BLTP1: variants seen among roughly 807,000 people sequenced by gnomAD.
The protein encoded by BLTP1 is fragile site-associated protein.
the BLTP1 span, chr4:122,269,393 G>C: frequency 1.0e-6 from 1 of 985,092 alleles, no homozygotes; most frequent in African/African-American, 1.7e-5. Context: ...TTTTGAGTGA[G>C]AGCTTCTTTG....
chr4:122,326,941 A>G, the BLTP1 span, among the ~76,000 whole-genome samples: 2 of 151,866 alleles, frequency 1.3e-5, no homozygotes, highest in African/African-American at 4.8e-5. Context: ...GAAATTTTCA[A>G]TGTAGGACTT....
the BLTP1 span, chr4:122,356,648 G>A: frequency 6.2e-7 from 1 of 1,613,632 alleles, no homozygotes; most frequent in East Asian, 2.2e-5. Flanking sequence ...AAAGTAGAAT[G>A]TAGTGTGGTG....
the BLTP1 span, among the ~76,000 whole-genome samples, chr4:122,309,865 T>G: frequency 2.6e-5 from 4 of 152,216 alleles, no homozygotes; most frequent in East Asian, 7.7e-4. Flanking sequence ...TTAATTAATA[T>G]TGACGTGAAT....
the BLTP1 span, among the ~76,000 whole-genome samples, chr4:122,202,270 A>G: frequency 5.1e-4 from 77 of 152,218 alleles, no homozygotes; most frequent in African/African-American, 1.8e-3. Context: ...AGAGCATTGA[A>G]TAAACACTTC....
the BLTP1 span, chr4:122,238,129 C>G: frequency 1.2e-6 from 2 of 1,613,564 alleles, no homozygotes; most frequent in Non-Finnish European, 1.7e-6. Flanking sequence ...AATGGGAAAA[C>G]AAATCAGTGG....
chr4:122,225,562 C>A, the BLTP1 span: 1 of 151,820 alleles, frequency 6.6e-6, no homozygotes, highest in Non-Finnish European at 1.5e-5. Flanking sequence ...AACCTAGATG[C>A]CCTTTATACC....
the BLTP1 span, among the ~76,000 whole-genome samples, chr4:122,260,839 G>C: frequency 6.6e-6 from 1 of 151,974 alleles, no homozygotes; most frequent in Non-Finnish European, 1.5e-5. Context: ...ATCATTAGAG[G>C]ACTAATAAAC....
the BLTP1 span, chr4:122,231,770 T>C: frequency 1.0e-6 from 1 of 974,338 alleles, no homozygotes; most frequent in Non-Finnish European, 1.2e-6. Context: ...AATCGACATA[T>C]TCATTTCTCT....
the BLTP1 span, chr4:122,270,448 T>C: frequency 1.7e-6 from 1 of 592,040 alleles, no homozygotes; most frequent in Admixed American, 6.3e-5. Context: ...TTTACTATAA[T>C]AGTCTTACAT....
At chr4:122,220,281 C>CTT in the BLTP1 span, 1 of 1,582,192 alleles carries the variant, frequency 6.3e-7, no homozygotes, top group Non-Finnish European at 8.6e-7. Context: ...CCTATACTTC[C>CTT]TTACTTTTTG....
At chr4:122,350,619 A>G in the BLTP1 span, among the ~76,000 whole-genome samples, 1 of 152,206 alleles carries the variant, frequency 6.6e-6, no homozygotes, top group African/African-American at 2.4e-5. Context: ...GTGCTAAGCA[A>G]AAGAACAAAA....
chr4:122,201,721 GTCT>G, the BLTP1 span: 1 of 168,030 alleles, frequency 6.0e-6, no homozygotes, highest in Non-Finnish European at 1.2e-5. Context: ...CATTTATTGA[GTCT>G]TCTTCTAAAA....
the BLTP1 span, chr4:122,359,395 A>AAT: frequency 1.1e-6 from 1 of 920,000 alleles, no homozygotes; most frequent in Non-Finnish European, 1.3e-6. Context: ...AATTATCAAT[A>AAT]ATTGGTACTT....
At chr4:122,201,502 G>A in the BLTP1 span, among the ~76,000 whole-genome samples, 8 of 152,054 alleles carry the variant, frequency 5.3e-5, no homozygotes, top group Non-Finnish European at 1.0e-4. Flanking sequence ...AACAGTATAC[G>A]CAAATAGCTA....
chr4:122,245,262 G>T, the BLTP1 span: 1 of 777,062 alleles, frequency 1.3e-6, no homozygotes, highest in Non-Finnish European at 2.1e-6. Context: ...TTCTAAAAGC[G>T]TTTATATGTC....
At chr4:122,355,000 C>T in the BLTP1 span, among the ~76,000 whole-genome samples, 2 of 151,976 alleles carry the variant, frequency 1.3e-5, no homozygotes, top group Non-Finnish European at 2.9e-5. Context: ...AAAGATTAGG[C>T]CCCATGAGAA....
At chr4:122,309,574 G>A in the BLTP1 span, 3 of 1,053,928 alleles carry the variant, frequency 2.8e-6, no homozygotes, top group Non-Finnish European at 4.1e-6. Flanking sequence ...TTTAGACTTT[G>A]AGAAAGAAGG....
the BLTP1 span, chr4:122,227,535 C>T: frequency 8.7e-6 from 8 of 924,108 alleles, no homozygotes; most frequent in Middle Eastern, 5.6e-4. Context: ...ATAACTTACC[C>T]TGGTTCTACA....
chr4:122,170,762 C>T, the BLTP1 span: 1 of 1,557,658 alleles, frequency 6.4e-7, no homozygotes, highest in Admixed American at 1.9e-5. Context: ...GAATATTTTT[C>T]TTCTATTTTA....
Sources: allele counts gnomAD v4.1 joint callset (sites outside exome capture counted in the v4.1 genomes callset), GRCh38; gene constraint gnomAD v4.1.1; transcripts MANE v1.5; gene names NCBI Gene and HGNC (gene_info 2026-07-23, HGNC 2026-07-21).